Variants in MRPS27 observed in about 807,000 individuals in gnomAD.
MRPS27 encodes the protein small ribosomal subunit protein mS27.
A neutral mutation model predicts 48.9 loss-of-function variants in MRPS27; 43 were observed. That is an observed-to-expected ratio of 0.88 (90% confidence interval 0.69 to 1.13). The LOEUF is 1.13. MRPS27 is among the 50% of genes most tolerant of loss of function. The pLI, the probability that MRPS27 is intolerant of heterozygous loss-of-function variation, is 0.00. For missense variants in MRPS27, 467 were observed against 476.3 expected (o/e 0.98, Z 0.18); for synonymous variants, 188 against 171.9 (o/e 1.09, Z -0.73).
At chr5:72,252,881 T>C (rs1298709195) in intron 4 of MRPS27, among the ~76,000 whole-genome samples, 2 of 152,174 alleles carry the variant, frequency 1.3e-5, no homozygotes, top group African/African-American at 4.8e-5. Flanking sequence ...TCAGAGTACC[T>C]AGAGAGGGCT....
At chr5:72,257,738 A>T (rs1319733978) in intron 4 of MRPS27, among the ~76,000 whole-genome samples, 1 of 152,204 alleles carries the variant, frequency 6.6e-6, no homozygotes, top group East Asian at 1.9e-4. Context: ...AGATGGGATT[A>T]TGTGAGCAGC....
chr5:72,250,654 C>T (rs1481880578), intron 4 of MRPS27, among the ~76,000 whole-genome samples: 2 of 152,092 alleles, frequency 1.3e-5, no homozygotes, highest in South Asian at 2.1e-4. Flanking sequence ...ATGATAATAC[C>T]TTAATCACTG....
Position 72,256,887 on chromosome 5 carries a change from T to C in MRPS27, c.282-18759A>G, listed in dbSNP as rs1748823571. Among the ~76,000 whole-genome samples, 2 of 152,204 alleles carry C rather than the reference T, an allele frequency of 1.3e-5. 1 individual carries two copies. Among genetic ancestry groups the C allele is most frequent in the South Asian group, 4.1e-4 (2 of 4,826 alleles). ...TTGATCCACTGATCATCAGAAGATA[T>C]ATCACTATTCTTGTAAGATGCCGTG... On this transcript the variant is annotated intron_variant, in intron 4 of 10. Coordinates refer to ENST00000261413, the MANE Select transcript of MRPS27 (RefSeq NM_015084.3).
At chr5:72,319,537 C>CT (rs35020848) in intron 1 of MRPS27, among the ~76,000 whole-genome samples, 1,784 of 84,036 alleles carry the variant, frequency 0.021, 15 homozygotes, top group East Asian at 0.043. Context: ...TAGGTTTTTC[C>CT]TTTTTTTTTT....
chr5:72,311,054 C>CA (rs1337848558), intron 2 of MRPS27, among the ~76,000 whole-genome samples: 1 of 151,940 alleles, frequency 6.6e-6, no homozygotes, highest in Non-Finnish European at 1.5e-5. Context: ...TCATAAGAAA[C>CA]AAAGAAAGGA....
At chr5:72,246,052 G>A (rs1247673428) in intron 4 of MRPS27, among the ~76,000 whole-genome samples, 1 of 152,096 alleles carries the variant, frequency 6.6e-6, no homozygotes, top group Non-Finnish European at 1.5e-5. Flanking sequence ...AAGCTTTTAA[G>A]CTCTTAAAAG....
At chr5:72,313,140 T>C (rs1185528682) in intron 2 of MRPS27, among the ~76,000 whole-genome samples, 19 of 152,056 alleles carry the variant, frequency 1.2e-4, no homozygotes, top group Admixed American at 1.2e-3. Flanking sequence ...CATACACCCA[T>C]CTCAGAGCTC....
intron 4 of MRPS27, among the ~76,000 whole-genome samples, chr5:72,284,228 C>G (rs183948263): frequency 2.1e-4 from 30 of 145,980 alleles, no homozygotes; most frequent in African/African-American, 6.6e-4. Flanking sequence ...GCCTGGGCAA[C>G]ATTGTGAGAC....
chr5:72,234,236 A>G lies in MRPS27; in HGVS notation c.397-39T>C, dbSNP rs1253041135. 7 of 1,392,722 alleles carry G rather than the reference A, an allele frequency of 5.0e-6. No individual in the cohort carries two copies. The African/African-American group carries it at 1.1e-4, about 21-fold the overall frequency. 86.3% of individuals were successfully genotyped at this position (1,392,722 alleles called of 1,614,324 possible). A position where few individuals can be genotyped will look rare whatever the true frequency, so the allele number is the denominator to read the frequency against. ...GAACATAACAGGAAAAAAAGAGAAA[A>G]TTATCTAATTTAGTCTGTAATATAT... On this transcript the variant is annotated intron_variant, in intron 5 of 10. Transcript: ENST00000261413.
intron 4 of MRPS27, among the ~76,000 whole-genome samples, chr5:72,242,430 A>G (rs1305205706): frequency 6.7e-6 from 1 of 149,540 alleles, no homozygotes; most frequent in East Asian, 2.0e-4. Flanking sequence ...TCAAGAGTGA[A>G]AAAAAAAAAA....
chr5:72,301,846 C>T (rs1023284518), intron 2 of MRPS27, among the ~76,000 whole-genome samples: 3 of 152,216 alleles, frequency 2.0e-5, no homozygotes, highest in East Asian at 1.9e-4. Context: ...AGAGCAGGGA[C>T]GGCCAGGAAA....
In MRPS27 at chr5:72,246,028, C is replaced by G. The variant is rs554587161; in HGVS notation, c.282-7900G>C. Among the ~76,000 whole-genome samples, 29 of 152,268 alleles carry G rather than the reference C, an allele frequency of 1.9e-4. No individual in the cohort carries two copies. The South Asian group carries it at 4.6e-3, about 24-fold the overall frequency. ...GCTAGTTTCTATTTCTGTAACTCTA[C>G]TGACTCCTCTATTAAGCTTTTAAGC... is the stretch of plus-strand genomic sequence containing the variant. On this transcript the variant is annotated intron_variant, in intron 4 of 10. Coordinates refer to ENST00000261413, the MANE Select transcript of MRPS27 (RefSeq NM_015084.3).
In MRPS27 at chr5:72,314,091, A is replaced by G. The variant is rs1252400574; in HGVS notation, c.141T>C (p.His47=). Residue 47 remains histidine, a synonymous_variant, in exon 2 of 11, where the codon CAT becomes CAC. Transcript: ENST00000261413. ...CCAATAGGTACCTACCAAGACAGTA[A>G]TGTTCTTTTTCTCTTGCTTCCCATT... is the stretch of plus-strand genomic sequence containing the variant. ...SHKWEAREKE[H]YCLADLASLM... 6.2e-7 allele frequency: 1 copy of G among 1,612,432 alleles called. No individual in the cohort carries two copies. Among genetic ancestry groups the G allele is most frequent in the South Asian group, 1.1e-5 (1 of 90,944 alleles).
At chr5:72,298,492 A>T (rs1338049039) in intron 2 of MRPS27, among the ~76,000 whole-genome samples, 1 of 152,136 alleles carries the variant, frequency 6.6e-6, no homozygotes, top group Non-Finnish European at 1.5e-5. Flanking sequence ...ATAACTTAAA[A>T]CAGAGCTACC....
At chr5:72,245,252 G>T (rs1400258470) in intron 4 of MRPS27, among the ~76,000 whole-genome samples, 2 of 152,174 alleles carry the variant, frequency 1.3e-5, no homozygotes, top group Admixed American at 6.5e-5. Context: ...AGGCTACAGA[G>T]GGCCTTTACC....
intron 9 of MRPS27, among the ~76,000 whole-genome samples, chr5:72,224,709 G>A (rs1747847301): frequency 6.6e-6 from 1 of 152,182 alleles, no homozygotes; most frequent in Non-Finnish European, 1.5e-5. Flanking sequence ...GACCAGAGAT[G>A]CAGACATGAA....
At chr5:72,234,484 A>C (rs1193358443) in intron 5 of MRPS27, among the ~76,000 whole-genome samples, 1 of 151,990 alleles carries the variant, frequency 6.6e-6, no homozygotes, top group Non-Finnish European at 1.5e-5. Flanking sequence ...AAAAAAACAT[A>C]AAAGAAAAAA....
intron 9 of MRPS27, 51 bp from the exon 10 acceptor site, chr5:72,223,901 AC>A (rs1747824512): frequency 6.3e-7 from 1 of 1,586,498 alleles, no homozygotes; most frequent in South Asian, 1.1e-5. Context: ...GCCCAAAAGC[AC>A]ATGGTGAAGA....
intron 5 of MRPS27, among the ~76,000 whole-genome samples, chr5:72,234,859 T>G (rs2111955548): frequency 6.6e-6 from 1 of 152,288 alleles, no homozygotes; most frequent in South Asian, 2.1e-4. Context: ...AGTGAGCTTC[T>G]TGTGATTTTC....
Sources: allele counts gnomAD v4.1 joint callset (sites outside exome capture counted in the v4.1 genomes callset), GRCh38; gene constraint gnomAD v4.1.1; transcripts MANE v1.5; gene names NCBI Gene and HGNC (gene_info 2026-07-23, HGNC 2026-07-21).